FBXL2: variants seen among roughly 807,000 people sequenced by gnomAD.
The protein encoded by FBXL2 is F-box/LRR-repeat protein 2.
Under a neutral mutation model 69.2 loss-of-function variants are expected in FBXL2, and 38 were observed. That is an observed-to-expected ratio of 0.55 (90% confidence interval 0.42 to 0.72). FBXL2 has a LOEUF of 0.72. Ranked by LOEUF, FBXL2 falls within the 30% of genes least tolerant of loss-of-function variation. FBXL2 has a pLI of 0.00. For missense variants in FBXL2, 354 were observed against 520.3 expected (o/e 0.68, Z 3.11); for synonymous variants, 192 against 201.3 (o/e 0.95, Z 0.39).
the FBXL2 span, among the ~76,000 whole-genome samples, chr3:33,422,586 A>C: frequency 6.6e-6 from 1 of 151,912 alleles, no homozygotes; most frequent in Non-Finnish European, 1.5e-5. Flanking sequence ...TTTGCCAGGC[A>C]TGGTGTCCTG....
intron 12 of FBXL2, chr3:33,396,024 T>C (rs1414266763): frequency 3.0e-6 from 2 of 663,528 alleles, no homozygotes; most frequent in Admixed American, 2.7e-5. Flanking sequence ...CCACCTCTCA[T>C]TGCTGTCAAG....
chr3:33,395,576 G>A (rs1039107613), intron 12 of FBXL2, among the ~76,000 whole-genome samples: 1 of 151,744 alleles, frequency 6.6e-6, no homozygotes, highest in African/African-American at 2.4e-5. Context: ...AACGTACTGG[G>A]TAGTATTATT....
intron 2 of FBXL2, among the ~76,000 whole-genome samples, chr3:33,310,850 A>ATG (rs1419629521): frequency 2.6e-5 from 4 of 151,622 alleles, no homozygotes; most frequent in African/African-American, 9.7e-5. Flanking sequence ...TCTTGGCTCA[A>ATG]TGTAACCTCC....
chr3:33,347,440 TTCCAAA>T (rs1435918894), intron 2 of FBXL2, among the ~76,000 whole-genome samples: 1 of 152,224 alleles, frequency 6.6e-6, no homozygotes, highest in Non-Finnish European at 1.5e-5. Flanking sequence ...CTTAAGTTGC[TTCCAAA>T]TCTTGGCTAT....
chr3:33,373,810 G>T (rs2042455233), intron 8 of FBXL2, 37 bp from the exon 9 acceptor site: 2 of 1,613,772 alleles, frequency 1.2e-6, no homozygotes, highest in Non-Finnish European at 1.7e-6. Flanking sequence ...TCCCTCACCT[G>T]GATTCCAGCT....
chr3:33,412,839 G>A, the FBXL2 span: 1 of 1,592,424 alleles, frequency 6.3e-7, no homozygotes, highest in Non-Finnish European at 8.6e-7. Flanking sequence ...TGTGGAATAA[G>A]TGCGGAAAAT....
At chr3:33,308,383 A>G (rs1418634677) in intron 2 of FBXL2, among the ~76,000 whole-genome samples, 1 of 152,182 alleles carries the variant, frequency 6.6e-6, no homozygotes, top group Non-Finnish European at 1.5e-5. Flanking sequence ...TTTTCAGTAC[A>G]CTGAATTTAT....
rs1440761869 is a variant in FBXL2 at position 33,373,367 on chromosome 3, C to T, written c.455+12C>T. 1.3e-6 allele frequency: 2 copies of T among 1,587,168 alleles called. No homozygotes were observed. Among genetic ancestry groups the T allele is most frequent in the Middle Eastern group, 1.7e-4 (1 of 6,012 alleles). ...TTGAAGGGGATCAGGTAAGAGTGCC[C>T]ATTGTTTGTGTCAAGAGAAATACCC... On this transcript the variant is annotated intron_variant, in intron 7 of 14. Transcript: ENST00000484457.
At chr3:33,372,496 T>C (rs1377460868) in intron 5 of FBXL2, 1 of 156,670 alleles carries the variant, frequency 6.4e-6, no homozygotes, top group Non-Finnish European at 1.4e-5. Context: ...AAGCAGTGAG[T>C]GGTGAATAGG....
chr3:33,373,140 A>G lies in FBXL2; in HGVS notation c.339A>G (p.Gly113=). 1 of 1,614,180 alleles carries G rather than the reference A, an allele frequency of 6.2e-7. No individual in the cohort carries two copies. The highest frequency in any genetic ancestry group is 1.1e-5 in the South Asian group (1 of 91,088). The change falls in exon 6 of 15, where the codon GGA becomes GGG. Residue 113 remains glycine, a synonymous_variant. Coordinates refer to ENST00000484457, the MANE Select transcript of FBXL2 (RefSeq NM_012157.5). ...ACATTGAACATTTGAACCTCAATGG[A>G]TGCACAAAAATCACTGACAGGTAAG... ...CRNIEHLNLN[G]CTKITDSTCY...
chr3:33,378,178 A>T (rs960520115), intron 12 of FBXL2, 31 bp downstream of exon 12: 8 of 1,606,200 alleles, frequency 5.0e-6, no homozygotes, highest in East Asian at 4.5e-5. Context: ...CCTGCAGGGC[A>T]GCCTGCTCCT....
chr3:33,290,933 T>A (rs995194395), intron 1 of FBXL2, among the ~76,000 whole-genome samples: 3 of 151,898 alleles, frequency 2.0e-5, no homozygotes, highest in African/African-American at 7.3e-5. Flanking sequence ...GACAATGAAA[T>A]AATTTTTTTT....
chr3:33,339,448 G>A (rs2125850403), intron 2 of FBXL2, among the ~76,000 whole-genome samples: 1 of 152,186 alleles, frequency 6.6e-6, no homozygotes, highest in South Asian at 2.1e-4. Context: ...AACTAATTCA[G>A]GAACACAGAA....
At chr3:33,292,949 T>C (rs541974414) in intron 1 of FBXL2, among the ~76,000 whole-genome samples, 3 of 152,338 alleles carry the variant, frequency 2.0e-5, no homozygotes, top group Non-Finnish European at 4.4e-5. Context: ...ATAACAATTA[T>C]AAGCACATAT....
intron 1 of FBXL2, among the ~76,000 whole-genome samples, chr3:33,287,103 T>C (rs903226245): frequency 3.9e-5 from 6 of 152,202 alleles, no homozygotes; most frequent in African/African-American, 1.4e-4. Flanking sequence ...TCTGCATCGC[T>C]CACGCTGGGA....
At chr3:33,381,524 T>C (rs2043060616) in intron 13 of FBXL2, among the ~76,000 whole-genome samples, 1 of 151,938 alleles carries the variant, frequency 6.6e-6, no homozygotes. Context: ...CATGCATGAC[T>C]GAGGCAGGAG....
chr3:33,374,009 A>G, intron 9 of FBXL2, 88 bp downstream of exon 9: 1 of 1,230,862 alleles, frequency 8.1e-7, no homozygotes, highest in Non-Finnish European at 1.2e-6. Context: ...CCCCCTAGGC[A>G]CCTGAGATGG....
intron 2 of FBXL2, among the ~76,000 whole-genome samples, chr3:33,330,051 G>A (rs1391082612): frequency 6.6e-6 from 1 of 152,124 alleles, no homozygotes; most frequent in Non-Finnish European, 1.5e-5. Flanking sequence ...GGGAGGCCAA[G>A]GCAGAAGGAC....
chr3:33,352,828 G>C (rs2040917389), intron 2 of FBXL2, among the ~76,000 whole-genome samples: 1 of 152,140 alleles, frequency 6.6e-6, no homozygotes, highest in African/African-American at 2.4e-5. Context: ...ACGGGAGGCG[G>C]TGGTTGCAGT....
Sources: allele counts gnomAD v4.1 joint callset (sites outside exome capture counted in the v4.1 genomes callset), GRCh38; gene constraint gnomAD v4.1.1; transcripts MANE v1.5; gene names NCBI Gene and HGNC (gene_info 2026-07-23, HGNC 2026-07-21).